ROBO1: variants seen among roughly 807,000 people sequenced by gnomAD.
ROBO1 encodes roundabout guidance receptor 1.
ROBO1 carries 149 observed loss-of-function variants against 195.9 expected under a neutral mutation model. The ratio of observed to expected loss-of-function variants is 0.76; its 90% CI spans 0.67 to 0.87. The LOEUF (loss-of-function observed/expected upper bound fraction) is 0.87, where lower values mean the gene tolerates loss of function less well. Among genes scored for constraint, ROBO1 ranks in the 40% least tolerant of loss-of-function variants. The pLI is 0.00. For missense variants in ROBO1, 1,933 were observed against 2,068.3 expected (o/e 0.93, Z 1.27); for synonymous variants, 816 against 733.2 (o/e 1.11, Z -1.82).
intron 1 of ROBO1, among the ~76,000 whole-genome samples, chr3:79,749,714 T>A (rs1051007895): frequency 6.6e-6 from 1 of 152,186 alleles, no homozygotes; most frequent in Non-Finnish European, 1.5e-5. Flanking sequence ...CCATGTGGTG[T>A]TGAACCTACA....
At chr3:78,847,090 A>C (rs2106815902) in intron 4 of ROBO1, among the ~76,000 whole-genome samples, 1 of 152,274 alleles carries the variant, frequency 6.6e-6, no homozygotes, top group South Asian at 2.1e-4. Context: ...AAATCGATTA[A>C]TCAAATCTAG....
At chr3:78,835,634 C>T (rs1280777410) in intron 4 of ROBO1, among the ~76,000 whole-genome samples, 1 of 152,144 alleles carries the variant, frequency 6.6e-6, no homozygotes, top group East Asian at 1.9e-4. Context: ...TTTAAGCAGA[C>T]AATTTGTCTA....
At chr3:79,425,089 A>G (rs1462275462) in intron 2 of ROBO1, among the ~76,000 whole-genome samples, 3 of 152,122 alleles carry the variant, frequency 2.0e-5, no homozygotes, top group African/African-American at 4.8e-5. Context: ...ATTCCTTACA[A>G]TTCTAGAGGG....
At chr3:79,348,977 A>G (rs1053945554) in intron 2 of ROBO1, among the ~76,000 whole-genome samples, 1 of 152,336 alleles carries the variant, frequency 6.6e-6, no homozygotes, top group Non-Finnish European at 1.5e-5. Flanking sequence ...CTGCTTTAAT[A>G]ATATTCAAAC....
At chr3:79,045,872 G>A (rs537439689) in intron 3 of ROBO1, among the ~76,000 whole-genome samples, 4 of 152,090 alleles carry the variant, frequency 2.6e-5, no homozygotes, top group Admixed American at 6.5e-5. Context: ...CAAGAGATTC[G>A]TGAATTTTGA....
At chr3:78,637,981 T>C (rs1206777833) in intron 22 of ROBO1, among the ~76,000 whole-genome samples, 1 of 135,454 alleles carries the variant, frequency 7.4e-6, no homozygotes, top group Non-Finnish European at 1.6e-5. Context: ...TTGGGTTTTT[T>C]TTTGGGGGGG....
At chr3:79,661,307 G>A (rs1057237377) in intron 1 of ROBO1, among the ~76,000 whole-genome samples, 1 of 151,958 alleles carries the variant, frequency 6.6e-6, no homozygotes, top group Non-Finnish European at 1.5e-5. Context: ...CATTTCCCCA[G>A]GTGTTCAAAA....
At chr3:79,161,771 C>T (rs1388120961) in intron 2 of ROBO1, among the ~76,000 whole-genome samples, 1 of 152,080 alleles carries the variant, frequency 6.6e-6, no homozygotes, top group Admixed American at 6.6e-5. Flanking sequence ...CATCGCTCTC[C>T]TTCTTGACCT....
chr3:79,111,069 G>A (rs1380860853), intron 3 of ROBO1, among the ~76,000 whole-genome samples: 1 of 152,070 alleles, frequency 6.6e-6, no homozygotes, highest in Non-Finnish European at 1.5e-5. Context: ...AGACTATTAT[G>A]ACTTTAGTAA....
chr3:79,435,375 T>C (rs2038847899), intron 2 of ROBO1, among the ~76,000 whole-genome samples: 1 of 152,136 alleles, frequency 6.6e-6, no homozygotes, highest in South Asian at 2.1e-4. Context: ...TGCAAGCCAC[T>C]GGGCCTGGCT....
chr3:79,529,164 T>A (rs1941550119), intron 2 of ROBO1, among the ~76,000 whole-genome samples: 1 of 152,160 alleles, frequency 6.6e-6, no homozygotes, highest in Non-Finnish European at 1.5e-5. Context: ...AAAAGTTACT[T>A]CTTATTAAGG....
At chr3:78,903,594 T>C (rs1326375877) in intron 4 of ROBO1, among the ~76,000 whole-genome samples, 3 of 151,436 alleles carry the variant, frequency 2.0e-5, no homozygotes, top group Non-Finnish European at 3.0e-5. Flanking sequence ...GCTGCTCTCC[T>C]GATATTAGAA....
chr3:79,076,494 A>G (rs2079176443), intron 3 of ROBO1, among the ~76,000 whole-genome samples: 1 of 151,490 alleles, frequency 6.6e-6, no homozygotes, highest in Non-Finnish European at 1.5e-5. Context: ...GTAAGTCGGT[A>G]AGTTGCAGGT....
At chr3:78,993,625 T>C (rs1020021361) in intron 3 of ROBO1, among the ~76,000 whole-genome samples, 1 of 152,180 alleles carries the variant, frequency 6.6e-6, no homozygotes, top group Non-Finnish European at 1.5e-5. Flanking sequence ...GACCTCGTCA[T>C]CTCACCCCAA....
chr3:78,713,004 C>T (rs1389335780), intron 8 of ROBO1, among the ~76,000 whole-genome samples: 1 of 152,140 alleles, frequency 6.6e-6, no homozygotes. Context: ...TTCATCCTGG[C>T]TATTTTCACT....
chr3:78,622,696 A>G (rs1198013840), intron 26 of ROBO1, among the ~76,000 whole-genome samples: 1 of 152,230 alleles, frequency 6.6e-6, no homozygotes, highest in Non-Finnish European at 1.5e-5. Context: ...ATGTGGCAGA[A>G]GCAAGACTAT....
Position 79,632,946 on chromosome 3 carries a change from C to A in ROBO1, c.-50-42985G>T, listed in dbSNP as rs1313962057. On this transcript the variant is annotated intron_variant, in intron 1 of 30. Coordinates refer to ENST00000464233, the MANE Select transcript of ROBO1 (RefSeq NM_002941.4). ...CAGTAATAAGAAATGAAACAAAAAC[C>A]CAATAAGAAGCAAGAAGACATTTTG... Among the ~76,000 whole-genome samples, 4 of 151,430 alleles carry A rather than the reference C, an allele frequency of 2.6e-5. No individual in the cohort carries two copies. In the East Asian group the frequency reaches 5.8e-4, roughly 22 times the overall value.
chr3:79,695,056 T>C (rs1018307846), intron 1 of ROBO1, among the ~76,000 whole-genome samples: 34 of 151,704 alleles, frequency 2.2e-4, no homozygotes, highest in Admixed American at 1.3e-4. Flanking sequence ...TTTAAAACTG[T>C]AGAACATGTT....
chr3:79,209,364 C>A (rs1224870743), intron 2 of ROBO1, among the ~76,000 whole-genome samples: 1 of 152,172 alleles, frequency 6.6e-6, no homozygotes, highest in Non-Finnish European at 1.5e-5. Flanking sequence ...GTGTATGTAA[C>A]CACATTTTCT....
Sources: allele counts gnomAD v4.1 joint callset (sites outside exome capture counted in the v4.1 genomes callset), GRCh38; gene constraint gnomAD v4.1.1; transcripts MANE v1.5; gene names NCBI Gene and HGNC (gene_info 2026-07-23, HGNC 2026-07-21).